NFIB: variants seen among roughly 807,000 people sequenced by gnomAD.
The protein encoded by NFIB is nuclear factor 1 B-type.
Under a neutral mutation model 61.5 loss-of-function variants are expected in NFIB, and 11 were observed. That is an observed-to-expected ratio of 0.18 (90% confidence interval 0.11 to 0.30). The LOEUF (loss-of-function observed/expected upper bound fraction) is 0.30. Ranked by LOEUF, NFIB falls within the 10% of genes least tolerant of loss-of-function variation. NFIB has a pLI of 1.00. For synonymous variants in NFIB, 260 were observed against 216.5 expected, an observed-to-expected ratio of 1.20 and a Z score of -1.76; for missense variants, 471 against 608.9, an observed-to-expected ratio of 0.77 and a Z score of 2.38.
At chr9:14,424,005 C>G in the NFIB span, among the ~76,000 whole-genome samples, 2 of 151,896 alleles carry the variant, frequency 1.3e-5, no homozygotes, top group Admixed American at 1.3e-4. Context: ...CCTTTTATCT[C>G]TCGCTTTTTT....
intron 1 of NFIB, among the ~76,000 whole-genome samples, chr9:14,349,599 A>G (rs1394112486): frequency 2.0e-5 from 3 of 152,102 alleles, no homozygotes; most frequent in African/African-American, 7.2e-5. Context: ...GAACAGCGGC[A>G]CTTTATTTCC....
chr9:14,482,397 C>G, the NFIB span, among the ~76,000 whole-genome samples: 3 of 152,140 alleles, frequency 2.0e-5, no homozygotes, highest in African/African-American at 7.2e-5. Flanking sequence ...GCCATGCATC[C>G]CGCTCTCTGG....
chr9:14,338,830 C>G lies in NFIB; in HGVS notation c.109-31310G>C, dbSNP rs141106663. ...CCATCTATCTATCCATCTCCCTCTCCTCCTTTCTCCTGCCCCTCCTTCCCC... is the reference window on the plus strand; with the variant it reads ...CCATCTATCTATCCATCTCCCTCTCGTCCTTTCTCCTGCCCCTCCTTCCCC... On this transcript the variant is annotated intron_variant, in intron 1 of 8. Coordinates refer to the NFIB transcript ENST00000380934. Among the ~76,000 whole-genome samples the G allele has an allele frequency of 3.2e-4, 48 of 151,706 alleles. No individual in the cohort carries two copies. The East Asian group carries it at 8.5e-3, about 27-fold the overall frequency.
chr9:14,531,180 T>A, the NFIB span, among the ~76,000 whole-genome samples: 1 of 152,190 alleles, frequency 6.6e-6, no homozygotes, highest in Non-Finnish European at 1.5e-5. Flanking sequence ...AACTTCTCTC[T>A]TCCCAATATT....
intron 2 of NFIB, among the ~76,000 whole-genome samples, chr9:14,182,884 G>A (rs1027749959): frequency 2.6e-5 from 4 of 151,776 alleles, no homozygotes; most frequent in Non-Finnish European, 2.9e-5. Flanking sequence ...TATCTACCTT[G>A]TAAAATCATT....
At chr9:14,262,387 A>G (rs916818326) in intron 2 of NFIB, among the ~76,000 whole-genome samples, 7 of 152,196 alleles carry the variant, frequency 4.6e-5, no homozygotes, top group African/African-American at 1.7e-4. Flanking sequence ...TGCAAGTCAA[A>G]GCACAGCGAA....
intron 1 of NFIB, among the ~76,000 whole-genome samples, chr9:14,358,283 C>A (rs2061199799): frequency 1.3e-5 from 2 of 149,996 alleles, no homozygotes; most frequent in South Asian, 2.1e-4. Flanking sequence ...ATAAATAAAA[C>A]TGCTAAAAAC....
intron 2 of NFIB, among the ~76,000 whole-genome samples, chr9:14,206,021 G>A (rs1028433194): frequency 5.3e-5 from 8 of 152,074 alleles, no homozygotes; most frequent in Middle Eastern, 3.4e-3. Context: ...CTGCGTAAAA[G>A]ACATTTAGGG....
the NFIB span, chr9:14,532,008 G>T: frequency 2.6e-5 from 4 of 152,928 alleles, no homozygotes; most frequent in South Asian, 4.1e-4. Flanking sequence ...GCTGTCCGAC[G>T]TTTTCCCAGC....
At chr9:14,347,603 G>GGGAGAAGGGAGAAA (rs1479416342) in intron 1 of NFIB, among the ~76,000 whole-genome samples, 1 of 152,082 alleles carries the variant, frequency 6.6e-6, no homozygotes, top group Non-Finnish European at 1.5e-5. Context: ...GAAGGGAGAA[G>GGGAGAAGGGAGAAA]GGAAGGAGTG....
upstream of NFIB, among the ~76,000 whole-genome samples, chr9:14,403,439 T>C (rs148075220): frequency 7.7e-4 from 117 of 152,304 alleles, 4 homozygotes; most frequent in East Asian, 0.021. Flanking sequence ...CCAACATCCA[T>C]ATTTTGTAAT....
chr9:14,189,002 A>C (rs1048603134), intron 2 of NFIB, among the ~76,000 whole-genome samples: 1 of 152,220 alleles, frequency 6.6e-6, no homozygotes, highest in Non-Finnish European at 1.5e-5. Context: ...TGATCCTATT[A>C]GTCTTAAATT....
chr9:14,102,003 T>A (rs1246848970), intron 10 of NFIB, among the ~76,000 whole-genome samples: 3 of 152,044 alleles, frequency 2.0e-5, no homozygotes, highest in Non-Finnish European at 4.4e-5. Flanking sequence ...AACAGTGAAA[T>A]GGCTTAGAAT....
At chr9:14,262,525 C>A (rs2056848535) in intron 2 of NFIB, among the ~76,000 whole-genome samples, 1 of 152,142 alleles carries the variant, frequency 6.6e-6, no homozygotes, top group Non-Finnish European at 1.5e-5. Context: ...TGAGAAGAAT[C>A]ATTTCTGGAA....
chr9:14,137,038 C>G (rs1034299712), intron 6 of NFIB, among the ~76,000 whole-genome samples: 10 of 152,124 alleles, frequency 6.6e-5, no homozygotes, highest in African/African-American at 2.4e-4. Context: ...ATGTGAAATT[C>G]ATCAGTAACA....
intron 2 of NFIB, among the ~76,000 whole-genome samples, chr9:14,257,777 A>G (rs1253734843): frequency 6.6e-6 from 1 of 152,140 alleles, no homozygotes; most frequent in South Asian, 2.1e-4. Flanking sequence ...AAAACGAAAG[A>G]AAGAAACATA....
chr9:14,249,672 G>C (rs1176761991), intron 2 of NFIB, among the ~76,000 whole-genome samples: 1 of 151,918 alleles, frequency 6.6e-6, no homozygotes, highest in African/African-American at 2.4e-5. Flanking sequence ...AAGGAAGGAA[G>C]AGAGAGAGGG....
chr9:14,174,911 C>T (rs1351928168), intron 3 of NFIB, among the ~76,000 whole-genome samples: 2 of 151,996 alleles, frequency 1.3e-5, no homozygotes, highest in African/African-American at 4.8e-5. Context: ...ATTTATCTGC[C>T]TTTATGTACA....
At chr9:14,436,558 C>T in the NFIB span, among the ~76,000 whole-genome samples, 1 of 152,208 alleles carries the variant, frequency 6.6e-6, no homozygotes, top group African/African-American at 2.4e-5. Flanking sequence ...TTCTCCTGCA[C>T]ATTCACTGTC....
Sources: allele counts gnomAD v4.1 joint callset (sites outside exome capture counted in the v4.1 genomes callset), GRCh38; gene constraint gnomAD v4.1.1; transcripts MANE v1.5; gene names NCBI Gene and HGNC (gene_info 2026-07-23, HGNC 2026-07-21).